TECPR1: variants seen among roughly 807,000 people sequenced by gnomAD.
The protein encoded by TECPR1 is tectonin beta-propeller repeat-containing protein 1.
In TECPR1, 122 loss-of-function variants were observed where a neutral mutation model predicts 162.4. The ratio of observed to expected loss-of-function variants is 0.75; its 90% CI spans 0.65 to 0.87. The LOEUF is 0.87. Among genes scored for constraint, TECPR1 ranks in the 40% least tolerant of loss-of-function variants. TECPR1 has a pLI of 0.00. For synonymous variants in TECPR1, 642 were observed against 670.6 expected, an observed-to-expected ratio of 0.96 and a Z score of 0.66; for missense variants, 1,432 against 1,618.2, an observed-to-expected ratio of 0.88 and a Z score of 1.97.
chr7:98,245,236 C>G, intron 3 of TECPR1, 169 bp from the exon 4 acceptor site: 1 of 684,652 alleles, frequency 1.5e-6, no homozygotes, highest in Non-Finnish European at 2.4e-6. Flanking sequence ...ACTGGGGACC[C>G]CCATGCCACT....
rs185720042 is a variant in TECPR1, at chr7:98,238,520, T to C, written c.1024A>G (p.Met342Val). ...VGEMTMVNVG[M>V]NDQVWGIGCE... is the part of the protein sequence containing the mutation. The stretch of plus-strand genomic sequence containing the variant: ...ACCCACGTGCACACCTGGTCGTTCA[T>C]TCCCACGTTCACCATCGTCATCTCA... Residue 342 changes from methionine (M) to valine (V), a missense_variant, in exon 9 of 26, where the codon ATG becomes GTG. Transcript: ENST00000447648. 1.6e-5 allele frequency: 25 copies of C among 1,564,280 alleles called. No individual in the cohort carries two copies. The East Asian group carries it at 5.2e-4, about 33-fold the overall frequency.
intron 17 of TECPR1, among the ~76,000 whole-genome samples, 190 bp downstream of exon 17, chr7:98,227,821 CAAA>C (rs61468739): frequency 9.7e-5 from 10 of 102,586 alleles, no homozygotes; most frequent in Non-Finnish European, 9.3e-5. Context: ...GACCCTGTAT[CAAA>C]AAAAAAAAAA....
At chr7:98,227,486 A>G (rs1233523232) in intron 17 of TECPR1, among the ~76,000 whole-genome samples, 2 of 152,092 alleles carry the variant, frequency 1.3e-5, no homozygotes, top group Non-Finnish European at 2.9e-5. Context: ...TTAAGAAGGA[A>G]TTACATACAT....
intron 2 of TECPR1, among the ~76,000 whole-genome samples, chr7:98,249,011 C>A (rs1022802041): frequency 6.6e-6 from 1 of 151,800 alleles, no homozygotes; most frequent in African/African-American, 2.4e-5. Context: ...GCCTCAGCCT[C>A]CCAAGTAGCT....
At position 98,217,766 on chromosome 7, in the gene TECPR1, G is replaced by A. The variant is rs144621652; in HGVS notation, c.3310C>T (p.Arg1104Trp). The change falls in exon 25 of 26, where the codon CGG becomes TGG. Residue 1104 changes from arginine (R) to tryptophan (W), a missense_variant. Transcript: ENST00000447648. ...CCGGTGCGATGACACACTGTCCCCC[G>A]GCTCAGGCTGTGGCTGCCCTGCACT... ...NKVQGSHSLS[R>W]GTVCHRTGVQ... The A allele has an allele frequency of 4.7e-5, 73 of 1,550,994 alleles. 1 individual carries two copies. In the Admixed American group the frequency reaches 6.7e-4, roughly 14 times the overall value.
intron 10 of TECPR1, among the ~76,000 whole-genome samples, chr7:98,234,831 C>A (rs531786454): frequency 2.1e-4 from 32 of 150,648 alleles, no homozygotes; most frequent in African/African-American, 6.3e-4. Flanking sequence ...CCACCTCTGC[C>A]TTGTAAGTAG....
At chr7:98,226,598 T>G (rs907513120) in intron 17 of TECPR1, 100 of 1,034,608 alleles carry the variant, frequency 9.7e-5, no homozygotes, top group Non-Finnish European at 1.1e-4. Context: ...GTTTGTTGTT[T>G]CTATTACTAA....
Position 98,231,245 on chromosome 7 carries a change from G to T in TECPR1, c.2103C>A (p.Thr701=). Residue 701 remains threonine (T), a synonymous_variant, in exon 14 of 26, where the codon ACC becomes ACA. Coordinates refer to ENST00000447648, the MANE Select transcript of TECPR1 (RefSeq NM_015395.3). ...QRWPVRLAAA[T]EQDMNDWLAL... ...TCACCCAGTCATTCATGTCCTGCTC[G>T]GTGGCAGCAGCCAGACGCACCGGCC... 1 of 1,612,884 alleles carries T rather than the reference G, an allele frequency of 6.2e-7. No individual in the cohort carries two copies. The highest frequency in any genetic ancestry group is 8.5e-7 in the Non-Finnish European group (1 of 1,179,762).
At position 98,232,595 on chromosome 7, in the gene TECPR1, G is replaced by A. The variant is rs529716839; in HGVS notation, c.1818+232C>T. ...CCCACCACCCTCTGAGGTTGCTGCC[G>A]TCTCTGGGTCCCCAGGGCCTCCAAC... is the stretch of plus-strand genomic sequence containing the variant. On this transcript the variant is annotated intron_variant, in intron 12 of 25. Coordinates refer to ENST00000447648, the MANE Select transcript of TECPR1 (RefSeq NM_015395.3). This position sits in a 1 kb window ranked among gnomAD's most constrained non-coding sequence, Gnocchi z 4.6. Among the ~76,000 whole-genome samples, 10 of 141,962 alleles carry A rather than the reference G, an allele frequency of 7.0e-5. No individual in the cohort carries two copies. The South Asian group carries it at 1.6e-3, about 22-fold the overall frequency. The allele number at this position is 141,962 out of a possible 152,430, so 93.1% of individuals were successfully genotyped here. A position where few individuals can be genotyped will look rare whatever the true frequency, so the allele number is the denominator to read the frequency against.
chr7:98,233,178 G>T (rs1414089782), intron 11 of TECPR1: 5 of 781,300 alleles, frequency 6.4e-6, no homozygotes, highest in Non-Finnish European at 9.6e-6. Flanking sequence ...GCTAGCACAG[G>T]GGAGGGGCTG....
In TECPR1 at chr7:98,241,744, G is replaced by A. The variant is rs1198674938; in HGVS notation, c.658-500C>T. On this transcript the variant is annotated intron_variant, in intron 6 of 25. Transcript: ENST00000447648. The surrounding 1 kb of genome is among the most constrained non-coding windows in gnomAD (Gnocchi z 5.0). ...TACATGTCACTTCGTGATCCAGAAAGGGCAAGGGACCCTCCCCATAGGGCT... is the reference window on the plus strand; with the variant it reads ...TACATGTCACTTCGTGATCCAGAAAAGGCAAGGGACCCTCCCCATAGGGCT... Among the ~76,000 whole-genome samples the A allele has an allele frequency of 6.6e-6, 1 of 152,174 alleles. No homozygotes were observed. Among genetic ancestry groups the A allele is most frequent in the Non-Finnish European group, 1.5e-5 (1 of 68,020 alleles).
chr7:98,222,287 C>T (rs1798160564), intron 22 of TECPR1, 99 bp downstream of exon 22: 1 of 1,468,166 alleles, frequency 6.8e-7, no homozygotes, highest in Non-Finnish European at 9.1e-7. Flanking sequence ...TGGGGGAAGT[C>T]CCAGCTTCTG....
chr7:98,214,883 C>T lies in TECPR1; in HGVS notation c.*2507G>A, dbSNP rs1797965243. 1 of 152,408 alleles carries T rather than the reference C, an allele frequency of 6.6e-6. No individual in the cohort carries two copies. The highest frequency in any genetic ancestry group is 2.4e-5 in the African/African-American group (1 of 41,464). The allele number at this position is 152,408 out of a possible 1,614,324, so 9.4% of individuals were successfully genotyped here. On this transcript the variant is annotated 3_prime_UTR_variant, in exon 26 of 26. Coordinates refer to ENST00000447648, the MANE Select transcript of TECPR1 (RefSeq NM_015395.3). Reference sequence around the variant, plus strand: ...AGAGGGTGACCTGGGCCGAGCCGCCCAGTCCTTCTTCCCCTGAGGCCAGAG... The same window carrying T: ...AGAGGGTGACCTGGGCCGAGCCGCCTAGTCCTTCTTCCCCTGAGGCCAGAG...
chr7:98,226,587 A>G, intron 17 of TECPR1: 1 of 1,043,178 alleles, frequency 9.6e-7, no homozygotes, highest in East Asian at 9.3e-5. Context: ...GTTGTCAGAG[A>G]GTTTGTTGTT....
intron 20 of TECPR1, among the ~76,000 whole-genome samples, chr7:98,223,441 C>G (rs1798193965): frequency 6.7e-6 from 1 of 150,338 alleles, no homozygotes; most frequent in African/African-American, 2.4e-5. Context: ...TGAAAACAAA[C>G]TATTCTGAAA....
chr7:98,219,641 C>A (rs186056241), intron 23 of TECPR1, among the ~76,000 whole-genome samples: 126 of 152,358 alleles, frequency 8.3e-4, no homozygotes, highest in Admixed American at 8.5e-4. Context: ...GTGGCTCATG[C>A]CTTTAATCCC....
Position 98,222,650 on chromosome 7 carries a change from C to T in TECPR1, c.2929-129G>A, listed in dbSNP as rs1798171831. 4.4e-6 allele frequency: 5 copies of T among 1,144,230 alleles called. No homozygotes were observed. In the Admixed American group the frequency reaches 8.1e-5, roughly 18 times the overall value. The allele number at this position is 1,144,230 out of a possible 1,614,324, so 70.9% of individuals were successfully genotyped here. Reference sequence around the variant, plus strand: ...GGCTGGGGGACAGCCGGGAGTCACACAGCCCCACCCGGCCTGATCTCGGTG... The same window carrying T: ...GGCTGGGGGACAGCCGGGAGTCACATAGCCCCACCCGGCCTGATCTCGGTG... On this transcript the variant is annotated intron_variant, in intron 21 of 25. Coordinates refer to ENST00000447648, the MANE Select transcript of TECPR1 (RefSeq NM_015395.3).
chr7:98,218,144 G>A, intron 23 of TECPR1, 102 bp from the exon 24 acceptor site: 3 of 954,924 alleles, frequency 3.1e-6, no homozygotes, highest in Non-Finnish European at 4.7e-6. Context: ...AACCACTTCG[G>A]GGTTTGGGAA....
rs1043127888 is a variant in TECPR1, at chr7:98,214,698, A to T, written c.*2692T>A. The stretch of plus-strand genomic sequence containing the variant: ...CGAGCTGAGCCTGAAAGCCCAGAAG[A>T]GCCTCGGTCCAGAAGACGGAGACTC... On this transcript the variant is annotated 3_prime_UTR_variant, in exon 26 of 26. Coordinates refer to ENST00000447648, the MANE Select transcript of TECPR1 (RefSeq NM_015395.3). The T allele has an allele frequency of 9.9e-5, 15 of 152,226 alleles. No individual in the cohort carries two copies. The highest frequency in any genetic ancestry group is 3.4e-4 in the African/African-American group (14 of 41,404). The allele number at this position is 152,226 out of a possible 1,614,324, so 9.4% of individuals were successfully genotyped here. A position where few individuals can be genotyped will look rare whatever the true frequency, so the allele number is the denominator to read the frequency against.
Sources: gnomAD v4.1 joint callset for allele counts (sites outside exome capture counted in the v4.1 genomes callset) on GRCh38, gnomAD v4.1.1 for gene constraint, Gnocchi (gnomAD v3.1) non-coding constraint, MANE v1.5 for transcripts, NCBI Gene and HGNC (gene_info 2026-07-23, HGNC 2026-07-21) for gene names.